The following PNPLA3 variants were observed in gnomAD, a reference collection of about 807,000 sequenced individuals.
PNPLA3 encodes the protein patatin like domain 3, 1-acylglycerol-3-phosphate O-acyltransferase.
In PNPLA3, 42 loss-of-function variants were observed where a neutral mutation model predicts 43.1. The ratio of observed to expected loss-of-function variants is 0.97; its 90% CI spans 0.76 to 1.26. The LOEUF (loss-of-function observed/expected upper bound fraction) is 1.26, where lower values mean the gene tolerates loss of function less well. Among genes scored for constraint, PNPLA3 ranks in the 50% most tolerant of loss-of-function variants. PNPLA3 has a pLI of 0.00. For synonymous variants in PNPLA3, 272 were observed against 253.6 expected (o/e 1.07, Z -0.69); for missense variants, 647 against 621.4 (o/e 1.04, Z -0.44).
chr22:43,925,865 C>G (rs2146773217), intron 1 of PNPLA3, among the ~76,000 whole-genome samples: 1 of 152,312 alleles, frequency 6.6e-6, no homozygotes, highest in Admixed American at 6.5e-5. Context: ...GCAGAGGTCC[C>G]AGGAGCCTAA....
intron 1 of PNPLA3, among the ~76,000 whole-genome samples, chr22:43,926,260 C>G (rs1285077282): frequency 6.6e-6 from 1 of 152,154 alleles, no homozygotes; most frequent in East Asian, 1.9e-4. Context: ...TCAGGACAGG[C>G]TGGGGCCTGC....
intron 7 of PNPLA3, among the ~76,000 whole-genome samples, chr22:43,941,301 T>TGAGTGGGTTTCCTCC (rs2050029445): frequency 1.4e-5 from 2 of 147,150 alleles, no homozygotes; most frequent in South Asian, 2.2e-4. Flanking sequence ...GGGCTTCCTC[T>TGAGTGGGTTTCCTCC]GATTGGGTTT....
chr22:43,926,403 A>T (rs1603415749), intron 1 of PNPLA3, among the ~76,000 whole-genome samples: 2 of 151,270 alleles, frequency 1.3e-5, no homozygotes, highest in African/African-American at 4.9e-5. Flanking sequence ...TGCACCTGAT[A>T]GCATTAAGGC....
rs1195927326 is a variant in PNPLA3, at chr22:43,923,851, C to G, written c.-61C>G. 1.8e-5 allele frequency: 26 copies of G among 1,414,500 alleles called. No homozygotes were observed. The highest frequency in any genetic ancestry group is 2.3e-5 in the Non-Finnish European group (25 of 1,083,752). 87.6% of individuals were successfully genotyped at this position (1,414,500 alleles called of 1,614,324 possible). ...GGCGGAGCTGCTGCGGATCAGGACCCGAGCCGATTCCCGATCCCGACCCAG... is the reference window on the plus strand; with the variant it reads ...GGCGGAGCTGCTGCGGATCAGGACCGGAGCCGATTCCCGATCCCGACCCAG... On this transcript the variant is annotated 5_prime_UTR_variant, in exon 1 of 9. Coordinates refer to ENST00000216180, the MANE Select transcript of PNPLA3 (RefSeq NM_025225.3).
chr22:43,928,840 GCTT>G lies in PNPLA3; in HGVS notation c.439_441del (p.Phe147del), dbSNP rs1316565279. On this transcript the variant is annotated inframe_deletion, in exon 3 of 9. Coordinates refer to ENST00000216180, the MANE Select transcript of PNPLA3 (RefSeq NM_025225.3). ...CTTTCACAGGCCTTGGTATGTTCCT[GCTT>G]CATCCCCTTCTACAGTGGCCTTATC... 2 of 1,611,470 alleles carry G rather than the reference GCTT, an allele frequency of 1.2e-6. No homozygotes were observed. The highest frequency in any genetic ancestry group is 1.7e-6 in the Non-Finnish European group (2 of 1,177,848).
chr22:43,936,755 G>C (rs868367246), intron 5 of PNPLA3, among the ~76,000 whole-genome samples: 1 of 152,212 alleles, frequency 6.6e-6, no homozygotes, highest in South Asian at 2.1e-4. Context: ...TGTAACCAGT[G>C]GTTCAGTTGT....
chr22:43,928,301 G>A (rs2006943), intron 2 of PNPLA3, among the ~76,000 whole-genome samples: 36,824 of 152,154 alleles, frequency 0.24, 4,686 homozygotes, highest in East Asian at 0.44. Context: ...CGTGGTGCCT[G>A]CTGACTGCTC....
intron 1 of PNPLA3, 31 bp from the exon 2 acceptor site, chr22:43,926,904 A>G (rs373719066): frequency 1.1e-5 from 17 of 1,590,724 alleles, no homozygotes; most frequent in South Asian, 2.2e-5. Context: ...AGTGTGGTAC[A>G]TTCTTTCATG....
chr22:43,933,315 C>T (rs565283427), intron 4 of PNPLA3, among the ~76,000 whole-genome samples: 1 of 152,290 alleles, frequency 6.6e-6, no homozygotes, highest in South Asian at 2.1e-4. Context: ...ATCCACTTCC[C>T]AGGCTGTGGT....
intron 6 of PNPLA3, among the ~76,000 whole-genome samples, chr22:43,939,739 C>G (rs2050018956): frequency 1.3e-5 from 2 of 152,136 alleles, no homozygotes. Flanking sequence ...TCGCTTGAAC[C>G]CAGGAGGCGG....
Position 43,927,075 on chromosome 22 carries a change from A to T in PNPLA3, c.328A>T (p.Ile110Phe). 1 of 1,613,410 alleles carries T rather than the reference A, an allele frequency of 6.2e-7. No individual in the cohort carries two copies. The highest frequency in any genetic ancestry group is 8.5e-7 in the Non-Finnish European group (1 of 1,179,270). ...KCLPANVHQLISGKIGISLTR... is the reference protein window; with the variant it reads ...KCLPANVHQLFSGKIGISLTR... ...CCTCCCGGCCAATGTCCACCAGCTCATCTCCGGCAAAATAGGCATCTCTCT... is the reference window on the plus strand; with the variant it reads ...CCTCCCGGCCAATGTCCACCAGCTCTTCTCCGGCAAAATAGGCATCTCTCT... The change falls in exon 2 of 9, where the codon ATC (isoleucine) becomes TTC (phenylalanine). Residue 110 changes from isoleucine to phenylalanine, a missense_variant. Physicochemically the swap from Ile to Phe is conservative, Grantham distance 21. Transcript: ENST00000216180.
intron 1 of PNPLA3, 121 bp from the exon 2 acceptor site, chr22:43,926,814 G>A (rs897345603): frequency 9.1e-6 from 7 of 767,220 alleles, no homozygotes; most frequent in African/African-American, 5.2e-5. Flanking sequence ...GGCTCCCATA[G>A]TAGACAGTAC....
At chr22:43,925,220 G>C (rs1569008215) in intron 1 of PNPLA3, among the ~76,000 whole-genome samples, 1 of 152,122 alleles carries the variant, frequency 6.6e-6, no homozygotes, top group African/African-American at 2.4e-5. Flanking sequence ...AGTACTCCTG[G>C]AAATGAGATT....
rs2050069719 is a variant in PNPLA3, at chr22:43,947,272, T to C, written c.*890T>C. ...TATTCGGAAGGCTGAGGCAGGAGAA[T>C]CACTTGAACCCAGGAGGCGGAGGTT... On this transcript the variant is annotated 3_prime_UTR_variant, in exon 9 of 9. Coordinates refer to ENST00000216180, the MANE Select transcript of PNPLA3 (RefSeq NM_025225.3). 1 of 153,434 alleles carries C rather than the reference T, an allele frequency of 6.5e-6. No individual in the cohort carries two copies. Among genetic ancestry groups the C allele is most frequent in the Admixed American group, 6.4e-5 (1 of 15,514 alleles). 9.5% of individuals were successfully genotyped at this position (153,434 alleles called of 1,614,324 possible). A position where few individuals can be genotyped will look rare whatever the true frequency, so the allele number is the denominator to read the frequency against.
In PNPLA3 at chr22:43,926,961, C is replaced by T; in HGVS notation, c.214C>T (p.Leu72Phe). Residue 72 changes from leucine to phenylalanine, a missense_variant, in exon 2 of 9, where the codon CTT becomes TTT. Leu to Phe is a conservative substitution (Grantham distance 22). Transcript: ENST00000216180. ...LEQTLQVLSD[L>F]VRKARSRNIG... ...GCAGACTCTGCAGGTCCTCTCAGAT[C>T]TTGTGCGGAAGGCCAGGAGTCGGAA... The T allele has an allele frequency of 6.2e-7, 1 of 1,614,242 alleles. No homozygotes were observed. Among genetic ancestry groups the T allele is most frequent in the Non-Finnish European group, 8.5e-7 (1 of 1,180,036 alleles).
chr22:43,932,938 A>T lies in PNPLA3; in HGVS notation c.547A>T (p.Thr183Ser), dbSNP rs1428853172. 1 of 1,614,154 alleles carries T rather than the reference A, an allele frequency of 6.2e-7. No homozygotes were observed. The highest frequency in any genetic ancestry group is 2.2e-5 in the East Asian group (1 of 44,884). Residue 183 changes from threonine (T) to serine (S), a missense_variant, in exon 4 of 9, where the codon ACC (threonine) becomes TCC (serine). Thr to Ser is a moderately conservative substitution (Grantham distance 58, BLOSUM62 1). Transcript: ENST00000216180. ...VPFIDAKTTI[T>S]VSPFYGEYDI... is the part of the protein sequence containing the mutation. ...CTTCATTGATGCCAAAACAACCATC[A>T]CCGTGTCCCCCTTCTATGGGGAGTA... is the stretch of plus-strand genomic sequence containing the variant.
At chr22:43,935,207 G>C (rs1179087619) in intron 5 of PNPLA3, among the ~76,000 whole-genome samples, 1 of 152,174 alleles carries the variant, frequency 6.6e-6, no homozygotes, top group African/African-American at 2.4e-5. Flanking sequence ...GAAGGAAAAA[G>C]ATGTGTTGGG....
rs1357269701 is a variant in PNPLA3 at position 43,924,032 on chromosome 22, C to G, written c.121C>G (p.Arg41Gly). Residue 41 changes from arginine (R) to glycine (G), a missense_variant, in exon 1 of 9, where the codon CGC (arginine) becomes GGC (glycine). By Grantham distance (125) the Arg-to-Gly change is moderately radical. Transcript: ENST00000216180. ...CGCCCCGCACCTCCTCCGCGACGCG[C>G]GCATGTTGTTCGGCGCTTCGGCCGG... ...EHAPHLLRDARMLFGASAGAL... is the reference protein window; with the variant it reads ...EHAPHLLRDAGMLFGASAGAL... The G allele has an allele frequency of 1.3e-6, 2 of 1,581,152 alleles. No homozygotes were observed. Among genetic ancestry groups the G allele is most frequent in the Non-Finnish European group, 1.7e-6 (2 of 1,172,662 alleles).
chr22:43,941,808 C>T (rs570577658), intron 7 of PNPLA3, among the ~76,000 whole-genome samples: 2 of 151,938 alleles, frequency 1.3e-5, no homozygotes, highest in African/African-American at 2.4e-5. Flanking sequence ...AAAAAATTAC[C>T]CTGGTCTGAA....
Sources: gnomAD v4.1 joint callset for allele counts (sites outside exome capture counted in the v4.1 genomes callset) on GRCh38, gnomAD v4.1.1 for gene constraint, MANE v1.5 for transcripts, NCBI Gene and HGNC (gene_info 2026-07-23, HGNC 2026-07-21) for gene names.